The following CLXN variants were observed in gnomAD, a reference collection of about 807,000 sequenced individuals.
CLXN encodes EF-hand calcium binding domain 1.
the CLXN span, among the ~76,000 whole-genome samples, chr8:48,725,332 G>A: frequency 6.6e-6 from 1 of 152,322 alleles, no homozygotes; most frequent in African/African-American, 2.4e-5. Context: ...AGAAGTGATA[G>A]TAGTTAGATA....
the CLXN span, among the ~76,000 whole-genome samples, chr8:48,717,140 G>A: frequency 6.6e-6 from 1 of 152,096 alleles, no homozygotes; most frequent in Non-Finnish European, 1.5e-5. Context: ...ACTCCAGCTT[G>A]GGCAACAAGA....
the CLXN span, chr8:48,715,206 T>C: frequency 4.6e-5 from 7 of 152,248 alleles, no homozygotes; most frequent in Non-Finnish European, 1.0e-4. Context: ...TGAAATATTC[T>C]TCAGAGAACC....
At chr8:48,735,225 C>T in the CLXN span, 2 of 1,565,696 alleles carry the variant, frequency 1.3e-6, no homozygotes, top group Non-Finnish European at 1.8e-6. Context: ...GCGGGACCCC[C>T]GCGAGCCCTG....
At chr8:48,731,238 C>G in the CLXN span, 1 of 1,114,378 alleles carries the variant, frequency 9.0e-7, no homozygotes, top group Non-Finnish European at 1.2e-6. Flanking sequence ...TCCAATGACA[C>G]TGGGAATGCA....
chr8:48,726,871 A>ATCTG, the CLXN span, among the ~76,000 whole-genome samples: 1 of 7,290 alleles, frequency 1.4e-4, no homozygotes. Flanking sequence ...GCATCTATCA[A>ATCTG]TCTATCTATC....
chr8:48,713,005 AAAAAG>A, the CLXN span, among the ~76,000 whole-genome samples: 1 of 151,854 alleles, frequency 6.6e-6, no homozygotes, highest in Non-Finnish European at 1.5e-5. Flanking sequence ...AAAAAAAAAA[AAAAAG>A]AAAGAAAAAG....
chr8:48,730,753 G>A, the CLXN span: 6 of 551,466 alleles, frequency 1.1e-5, 1 homozygote, highest in South Asian at 1.9e-4. Context: ...TTCAGCTTGT[G>A]AAGTCCAATA....
chr8:48,730,593 C>T, the CLXN span: 1 of 1,611,750 alleles, frequency 6.2e-7, no homozygotes. Flanking sequence ...TCCATGAATC[C>T]ACTCCAATAC....
chr8:48,735,087 T>TA, the CLXN span: 2 of 1,614,166 alleles, frequency 1.2e-6, no homozygotes, highest in Non-Finnish European at 1.7e-6. Context: ...ACTACATTCT[T>TA]ACTTACAATG....
chr8:48,734,945 T>G, the CLXN span: 1 of 871,316 alleles, frequency 1.1e-6, no homozygotes, highest in Non-Finnish European at 1.7e-6. Flanking sequence ...CTCTCTGACT[T>G]CTGCTTAAGG....
chr8:48,730,479 T>C, the CLXN span: 1 of 1,151,764 alleles, frequency 8.7e-7, no homozygotes, highest in Non-Finnish European at 1.2e-6. Context: ...AGACACTGAT[T>C]TAAGTGCTTT....
chr8:48,731,279 C>T, the CLXN span: 1 of 1,465,336 alleles, frequency 6.8e-7, no homozygotes, highest in South Asian at 1.6e-5. Flanking sequence ...AGAGGATGTC[C>T]AAGCACCAAA....
chr8:48,732,137 G>C, the CLXN span, among the ~76,000 whole-genome samples: 31 of 152,206 alleles, frequency 2.0e-4, 2 homozygotes, highest in South Asian at 5.2e-3. Context: ...ACAGATACTT[G>C]CTCATACACA....
At chr8:48,711,757 G>A in the CLXN span, 1 of 152,158 alleles carries the variant, frequency 6.6e-6, no homozygotes, top group South Asian at 2.1e-4. Context: ...TTTAGACAAA[G>A]GTCTTCAGCA....
the CLXN span, among the ~76,000 whole-genome samples, chr8:48,727,213 C>A: frequency 1.9e-5 from 1 of 53,278 alleles, no homozygotes; most frequent in Non-Finnish European, 3.6e-5. Context: ...CATCTATCCA[C>A]TCATCCATCC....
chr8:48,728,692 C>G, the CLXN span, among the ~76,000 whole-genome samples: 1 of 152,130 alleles, frequency 6.6e-6, no homozygotes, highest in Admixed American at 6.5e-5. Flanking sequence ...GAAGAACATA[C>G]AAGTAATTAA....
At chr8:48,715,339 T>G in the CLXN span, 11 of 152,168 alleles carry the variant, frequency 7.2e-5, no homozygotes, top group Non-Finnish European at 1.2e-4. Context: ...ATTTAACAGC[T>G]ACTTGCCAAC....
the CLXN span, among the ~76,000 whole-genome samples, chr8:48,726,870 AATCTATCTATCTATCT>A: frequency 1.2e-4 from 16 of 136,334 alleles, no homozygotes; most frequent in African/African-American, 4.0e-4. Flanking sequence ...TGCATCTATC[AATCTATCTATCTATCT>A]ATCTATCTAT....
chr8:48,729,966 T>G, the CLXN span: 1 of 1,232,330 alleles, frequency 8.1e-7, no homozygotes, highest in Non-Finnish European at 1.1e-6. Flanking sequence ...ATCTTGATGC[T>G]GTACCCACAG....
Sources: allele counts gnomAD v4.1 joint callset (sites outside exome capture counted in the v4.1 genomes callset), GRCh38; gene constraint gnomAD v4.1.1; transcripts MANE v1.5; gene names NCBI Gene and HGNC (gene_info 2026-07-23, HGNC 2026-07-21).